CLYBL: variants seen among roughly 807,000 people sequenced by gnomAD.
CLYBL encodes the protein citramalyl-CoA lyase, mitochondrial.
Under a neutral mutation model 38.9 loss-of-function variants are expected in CLYBL, and 31 were observed. The ratio of observed to expected loss-of-function variants is 0.80; its 90% CI spans 0.60 to 1.08. The LOEUF (loss-of-function observed/expected upper bound fraction) is 1.08, where lower values mean the gene tolerates loss of function less well. Ranked by LOEUF, CLYBL falls within the 50% of genes least tolerant of loss-of-function variation. The pLI, the probability that CLYBL is intolerant of heterozygous loss-of-function variation, is 0.00. For synonymous variants in CLYBL, 171 were observed against 158.6 expected (o/e 1.08, Z -0.59); for missense variants, 434 against 411.6 (o/e 1.05, Z -0.47).
chr13:99,737,534 C>A (rs1481489079), intron 1 of CLYBL, among the ~76,000 whole-genome samples: 2 of 152,152 alleles, frequency 1.3e-5, no homozygotes, highest in Non-Finnish European at 2.9e-5. Context: ...CTTTCCTTAC[C>A]TCTCACCTCC....
intron 1 of CLYBL, among the ~76,000 whole-genome samples, chr13:99,717,117 G>A (rs963266738): frequency 1.3e-5 from 2 of 151,196 alleles, no homozygotes; most frequent in African/African-American, 4.8e-5. Flanking sequence ...TGAACCGCTT[G>A]TATAAGATAT....
intron 1 of CLYBL, among the ~76,000 whole-genome samples, chr13:99,747,483 C>T (rs1461142809): frequency 6.6e-6 from 1 of 152,058 alleles, no homozygotes; most frequent in Non-Finnish European, 1.5e-5. Context: ...TACCGGGTGC[C>T]CATGTGCTGT....
At chr13:99,626,614 A>T (rs546126056) in intron 1 of CLYBL, among the ~76,000 whole-genome samples, 14 of 152,360 alleles carry the variant, frequency 9.2e-5, no homozygotes, top group Non-Finnish European at 2.1e-4. Context: ...GGGCCAGTTC[A>T]TGCTCACCTT....
chr13:99,736,856 C>T (rs1358571669), intron 1 of CLYBL, among the ~76,000 whole-genome samples: 2 of 152,146 alleles, frequency 1.3e-5, no homozygotes, highest in African/African-American at 4.8e-5. Flanking sequence ...CAACTTCCCC[C>T]AAGGCTGAAT....
chr13:99,842,071 GCCTC>G (rs1316587187), intron 2 of CLYBL, among the ~76,000 whole-genome samples: 1 of 151,958 alleles, frequency 6.6e-6, no homozygotes, highest in East Asian at 1.9e-4. Context: ...GCCCACCTTG[GCCTC>G]CCTAAGTGCT....
intron 2 of CLYBL, among the ~76,000 whole-genome samples, chr13:99,782,073 C>G (rs1365080213): frequency 6.6e-6 from 1 of 152,080 alleles, no homozygotes; most frequent in Non-Finnish European, 1.5e-5. Flanking sequence ...CATATTTTCC[C>G]ACTTTTTTTT....
chr13:99,730,027 C>T (rs905653755), intron 1 of CLYBL, among the ~76,000 whole-genome samples: 6 of 143,532 alleles, frequency 4.2e-5, no homozygotes, highest in Non-Finnish European at 6.2e-5. Context: ...ACCGTTGGTC[C>T]CACATCAGCG....
intron 2 of CLYBL, among the ~76,000 whole-genome samples, chr13:99,833,003 C>CATATATATAT (rs1566345646): frequency 1.8e-4 from 13 of 73,308 alleles, no homozygotes; most frequent in African/African-American, 6.9e-4. Context: ...TACATACATA[C>CATATATATAT]ATACATATAT....
At chr13:99,890,461 T>C (rs2152131555) in intron 7 of CLYBL, among the ~76,000 whole-genome samples, 1 of 152,268 alleles carries the variant, frequency 6.6e-6, no homozygotes. Context: ...ACAGCTCATG[T>C]CCCTGGTATT....
Position 99,876,445 on chromosome 13 carries a change from T to C in CLYBL, c.927+5383T>C, listed in dbSNP as rs948954521. The stretch of plus-strand genomic sequence containing the variant: ...CAAAAAAAAAAAAAAAAAAAAAGAG[T>C]GTTTTTAATGTAGATTAAATCGGAC... On this transcript the variant is annotated intron_variant, in intron 7 of 8. Transcript: ENST00000339105. 2.2e-3 allele frequency among the ~76,000 whole-genome samples: 299 copies of C among 133,038 alleles called. 2 individuals are homozygous for C. The highest frequency in any genetic ancestry group is 8.3e-3 in the African/African-American group (287 of 34,618). The allele number at this position is 133,038 out of a possible 152,430, so 87.3% of individuals were successfully genotyped here.
intron 2 of CLYBL, among the ~76,000 whole-genome samples, chr13:99,827,527 C>G (rs1167375552): frequency 6.6e-6 from 1 of 152,180 alleles, no homozygotes; most frequent in African/African-American, 2.4e-5. Context: ...TGGACAGGAC[C>G]TCCCCTTAGG....
downstream of CLYBL, chr13:99,895,598 C>A (rs1446259383): frequency 1.3e-5 from 2 of 152,206 alleles, no homozygotes; most frequent in Non-Finnish European, 2.9e-5. Context: ...GTGACTTTCC[C>A]AGACCCCGCG....
intron 2 of CLYBL, among the ~76,000 whole-genome samples, chr13:99,797,210 A>G (rs1253092523): frequency 5.3e-5 from 8 of 152,206 alleles, no homozygotes; most frequent in African/African-American, 1.7e-4. Context: ...ACAGAAATGA[A>G]AGAACTCAAG....
intron 1 of CLYBL, among the ~76,000 whole-genome samples, chr13:99,716,854 C>T (rs1294164023): frequency 2.0e-4 from 28 of 142,120 alleles, no homozygotes; most frequent in South Asian, 2.2e-4. Context: ...TGCAATGGCA[C>T]GATCTTGGCT....
chr13:99,699,849 C>T (rs1012705407), intron 1 of CLYBL, among the ~76,000 whole-genome samples: 2 of 150,894 alleles, frequency 1.3e-5, no homozygotes, highest in African/African-American at 4.9e-5. Flanking sequence ...AAAAAATTAG[C>T]TGGGCGTGGT....
intron 1 of CLYBL, 43 bp from the exon 2 acceptor site, chr13:99,772,781 C>T (rs1390983582): frequency 6.9e-6 from 10 of 1,448,052 alleles, no homozygotes; most frequent in Admixed American, 2.4e-5. Flanking sequence ...TTTATAAATA[C>T]AGAAATCTCA....
In CLYBL at chr13:99,869,069, G is replaced by T. The variant is rs2139242786; in HGVS notation, c.803-1869G>T. On this transcript the variant is annotated intron_variant, in intron 6 of 8. Transcript: ENST00000339105. This position sits in a 1 kb window ranked among gnomAD's most constrained non-coding sequence, Gnocchi z 4.3. ...TAAAATATTTGCCTGGTTCCCACAT[G>T]CCATTAAAGTCTGCTATACAGTTGT... 6.6e-6 allele frequency among the ~76,000 whole-genome samples: 1 copy of T among 152,228 alleles called. No homozygotes were observed. Among genetic ancestry groups the T allele is most frequent in the African/African-American group, 2.4e-5 (1 of 41,546 alleles).
chr13:99,817,696 G>T (rs1234716552), intron 2 of CLYBL, among the ~76,000 whole-genome samples: 2 of 150,046 alleles, frequency 1.3e-5, no homozygotes, highest in African/African-American at 2.4e-5. Context: ...GAAAAGCACT[G>T]AGCTAAAGTA....
intron 1 of CLYBL, among the ~76,000 whole-genome samples, chr13:99,632,616 G>A (rs2139238287): frequency 6.6e-6 from 1 of 152,252 alleles, no homozygotes; most frequent in East Asian, 1.9e-4. Flanking sequence ...GTGCTGGTGG[G>A]CACCTGTAGT....
Sources: gnomAD v4.1 joint callset for allele counts (sites outside exome capture counted in the v4.1 genomes callset) on GRCh38, gnomAD v4.1.1 for gene constraint, Gnocchi (gnomAD v3.1) non-coding constraint, MANE v1.5 for transcripts, NCBI Gene and HGNC (gene_info 2026-07-23, HGNC 2026-07-21) for gene names.